Variants in EPHA6 observed in about 807,000 individuals in gnomAD.
EPHA6 encodes the protein EPH receptor A6, also known as ephrin type-A receptor 6.
In EPHA6, 50 loss-of-function variants were observed where a neutral mutation model predicts 112.0. The observed-to-expected ratio is 0.45, with a 90% CI of 0.36 to 0.56. EPHA6 has a LOEUF of 0.56. Ranked by LOEUF, EPHA6 falls within the 20% of genes least tolerant of loss-of-function variation. The probability of loss-of-function intolerance (pLI) is 0.00; values close to 1 mark genes in which losing one functional copy is unlikely to be tolerated. For synonymous variants in EPHA6, 529 were observed against 490.7 expected (o/e 1.08, Z -1.03); for missense variants, 1,280 against 1,417.4 (o/e 0.90, Z 1.56).
chr3:97,492,171 C>G (rs1436104848), intron 10 of EPHA6, among the ~76,000 whole-genome samples: 1 of 91,338 alleles, frequency 1.1e-5, no homozygotes, highest in African/African-American at 1.6e-4. Context: ...TTGCTTTGCA[C>G]CCCCTAATGA....
intron 6 of EPHA6, among the ~76,000 whole-genome samples, chr3:97,420,863 G>A (rs1276084081): frequency 2.0e-5 from 3 of 151,580 alleles, no homozygotes; most frequent in Non-Finnish European, 4.4e-5. Context: ...AAAAAATAGG[G>A]CCAAATTTGG....
intron 3 of EPHA6, among the ~76,000 whole-genome samples, chr3:97,031,465 G>C (rs1386724142): frequency 2.0e-5 from 3 of 152,046 alleles, no homozygotes; most frequent in African/African-American, 7.2e-5. Context: ...TTAAACTAAA[G>C]AGCTTCTACA....
At chr3:96,837,767 A>T (rs924717455) in intron 1 of EPHA6, among the ~76,000 whole-genome samples, 1 of 152,150 alleles carries the variant, frequency 6.6e-6, no homozygotes, top group Non-Finnish European at 1.5e-5. Flanking sequence ...AAAACAAAAT[A>T]TAAGGCAGTA....
At chr3:96,907,377 T>C (rs1242185798) in intron 2 of EPHA6, among the ~76,000 whole-genome samples, 1 of 151,838 alleles carries the variant, frequency 6.6e-6, no homozygotes, top group African/African-American at 2.4e-5. Context: ...GATTATCTGT[T>C]CATTATGATT....
At chr3:97,668,555 T>C (rs576614966) in intron 14 of EPHA6, among the ~76,000 whole-genome samples, 65 of 152,252 alleles carry the variant, frequency 4.3e-4, no homozygotes, top group Middle Eastern at 3.4e-3. Flanking sequence ...TTTTAGCCAG[T>C]TGTCTTGAAT....
At chr3:97,254,577 A>G (rs1165385421) in intron 5 of EPHA6, among the ~76,000 whole-genome samples, 3 of 152,226 alleles carry the variant, frequency 2.0e-5, no homozygotes, top group Non-Finnish European at 4.4e-5. Context: ...TATTAACCAA[A>G]TTCCTACCAG....
chr3:97,433,585 A>G (rs147698137), intron 6 of EPHA6, among the ~76,000 whole-genome samples: 1 of 152,180 alleles, frequency 6.6e-6, no homozygotes, highest in African/African-American at 2.4e-5. Flanking sequence ...GTGACTAGGC[A>G]TACTTGGAAG....
At chr3:97,721,586 A>T (rs1263816402) in intron 15 of EPHA6, among the ~76,000 whole-genome samples, 4 of 152,190 alleles carry the variant, frequency 2.6e-5, no homozygotes, top group Non-Finnish European at 5.9e-5. Flanking sequence ...CCAAAGCACA[A>T]CATCAAACTG....
intron 6 of EPHA6, among the ~76,000 whole-genome samples, chr3:97,412,410 A>T (rs1372578147): frequency 1.3e-5 from 2 of 152,002 alleles, no homozygotes; most frequent in Non-Finnish European, 2.9e-5. Flanking sequence ...CTAGTCATAC[A>T]TTTCTGAATT....
At chr3:97,364,847 C>G (rs1489937924) in intron 5 of EPHA6, among the ~76,000 whole-genome samples, 1 of 152,096 alleles carries the variant, frequency 6.6e-6, no homozygotes, top group East Asian at 1.9e-4. Flanking sequence ...TAGTGAAGCA[C>G]AAATTGAAGA....
At chr3:97,165,161 TG>T (rs1286768404) in intron 3 of EPHA6, among the ~76,000 whole-genome samples, 3 of 152,156 alleles carry the variant, frequency 2.0e-5, no homozygotes, top group Non-Finnish European at 2.9e-5. Flanking sequence ...TGCATTCCTT[TG>T]CTTGTGCTGT....
chr3:97,608,038 T>G (rs2093692437), intron 12 of EPHA6, among the ~76,000 whole-genome samples: 1 of 150,970 alleles, frequency 6.6e-6, no homozygotes, highest in Admixed American at 6.6e-5. Flanking sequence ...TATGACTAGT[T>G]TCTTCTCTGT....
At chr3:97,450,235 T>G (rs2090480785) in intron 7 of EPHA6, among the ~76,000 whole-genome samples, 1 of 152,024 alleles carries the variant, frequency 6.6e-6, no homozygotes, top group Non-Finnish European at 1.5e-5. Flanking sequence ...TTTTCACTTT[T>G]TTTCCCCTGC....
At chr3:97,707,513 T>C (rs2033742091) in intron 14 of EPHA6, among the ~76,000 whole-genome samples, 1 of 152,136 alleles carries the variant, frequency 6.6e-6, no homozygotes, top group Non-Finnish European at 1.5e-5. Context: ...GTTTTAGAAA[T>C]GAGAAAAGTT....
intron 14 of EPHA6, among the ~76,000 whole-genome samples, chr3:97,699,103 AGATGCATATAGAC>A (rs1236786991): frequency 1.3e-5 from 2 of 152,216 alleles, no homozygotes; most frequent in Non-Finnish European, 2.9e-5. Flanking sequence ...GAGAATATCC[AGATGCATATAGAC>A]GAGCAGGGTT....
intron 3 of EPHA6, among the ~76,000 whole-genome samples, chr3:97,137,508 A>G (rs1234577747): frequency 1.3e-5 from 2 of 152,184 alleles, no homozygotes; most frequent in African/African-American, 4.8e-5. Context: ...TTTGAGGATT[A>G]AGTGAGGTAG....
intron 13 of EPHA6, among the ~76,000 whole-genome samples, chr3:97,612,160 A>G (rs2093725666): frequency 6.6e-6 from 1 of 152,032 alleles, no homozygotes; most frequent in African/African-American, 2.4e-5. Flanking sequence ...GTGTTCATTT[A>G]ACCTGTTCTA....
At chr3:97,236,827 C>A (rs562090703) in intron 4 of EPHA6, among the ~76,000 whole-genome samples, 15 of 152,124 alleles carry the variant, frequency 9.9e-5, no homozygotes, top group Admixed American at 2.6e-4. Flanking sequence ...TCTTACTCTG[C>A]GTAGAGCAAA....
At chr3:97,497,127 G>A (rs1344965450) in intron 10 of EPHA6, among the ~76,000 whole-genome samples, 2 of 152,120 alleles carry the variant, frequency 1.3e-5, no homozygotes, top group African/African-American at 2.4e-5. Context: ...AGATCCCTTG[G>A]AAATGTAAAC....
Sources: gnomAD v4.1 joint callset for allele counts (sites outside exome capture counted in the v4.1 genomes callset) on GRCh38, gnomAD v4.1.1 for gene constraint, MANE v1.5 for transcripts, NCBI Gene and HGNC (gene_info 2026-07-23, HGNC 2026-07-21) for gene names.